The following RGS6 variants were observed in gnomAD, a reference collection of about 807,000 sequenced individuals.
RGS6 encodes regulator of G-protein signaling 6.
In RGS6, 30 loss-of-function variants were observed where a neutral mutation model predicts 78.5. That is an observed-to-expected ratio of 0.38 (90% CI 0.29 to 0.52). The LOEUF (loss-of-function observed/expected upper bound fraction) is 0.52, where lower values mean the gene tolerates loss of function less well. RGS6 is among the 20% of genes least tolerant of loss of function. RGS6 has a pLI of 0.85. For synonymous variants in RGS6, 206 were observed against 206.0 expected (o/e 1.00, Z 0.00); for missense variants, 495 against 609.7 (o/e 0.81, Z 1.98).
chr14:72,585,381 A>T, the RGS6 span, among the ~76,000 whole-genome samples: 1 of 152,186 alleles, frequency 6.6e-6, no homozygotes, highest in African/African-American at 2.4e-5. Context: ...ATGGATATTA[A>T]CATAATGAGG....
chr14:72,239,828 A>C (rs1334598817), intron 2 of RGS6, among the ~76,000 whole-genome samples: 1 of 152,172 alleles, frequency 6.6e-6, no homozygotes, highest in Non-Finnish European at 1.5e-5. Context: ...ATAATTTCTA[A>C]TATCCCTTTA....
At chr14:72,205,774 T>G (rs956796458) in intron 2 of RGS6, among the ~76,000 whole-genome samples, 2 of 152,238 alleles carry the variant, frequency 1.3e-5, no homozygotes, top group Admixed American at 6.5e-5. Flanking sequence ...AAATTATTAC[T>G]GATCAGTGTT....
intron 17 of RGS6, among the ~76,000 whole-genome samples, chr14:72,544,669 G>T (rs2097368893): frequency 6.6e-6 from 1 of 152,224 alleles, no homozygotes; most frequent in Admixed American, 6.5e-5. Context: ...TGTCCTGCCT[G>T]CCTGCCAAGG....
the RGS6 span, among the ~76,000 whole-genome samples, chr14:71,922,737 TA>T: frequency 1.3e-5 from 2 of 152,170 alleles, no homozygotes; most frequent in African/African-American, 2.4e-5. Flanking sequence ...CTTAGTCTTT[TA>T]AAAAAATTAT....
At chr14:72,216,587 C>T (rs1805700981) in intron 2 of RGS6, among the ~76,000 whole-genome samples, 1 of 152,170 alleles carries the variant, frequency 6.6e-6, no homozygotes, top group African/African-American at 2.4e-5. Context: ...AAAATACAAA[C>T]ATGTGCACAT....
the RGS6 span, among the ~76,000 whole-genome samples, chr14:72,585,631 T>C: frequency 6.6e-6 from 1 of 152,212 alleles, no homozygotes; most frequent in South Asian, 2.1e-4. Context: ...AGGAAGGCAG[T>C]GTGATCTTGG....
At chr14:72,147,648 A>G (rs537708768) in intron 2 of RGS6, among the ~76,000 whole-genome samples, 1 of 152,296 alleles carries the variant, frequency 6.6e-6, no homozygotes, top group South Asian at 2.1e-4. Flanking sequence ...TGGGGTACAG[A>G]ATTATATTGC....
intron 2 of RGS6, among the ~76,000 whole-genome samples, chr14:72,119,766 T>TGAA (rs1439684582): frequency 6.6e-6 from 1 of 152,216 alleles, no homozygotes; most frequent in Non-Finnish European, 1.5e-5. Context: ...AGCTCTGATG[T>TGAA]GAAACATGGA....
intron 2 of RGS6, among the ~76,000 whole-genome samples, chr14:72,232,835 G>A (rs1008928509): frequency 2.6e-5 from 4 of 152,204 alleles, no homozygotes. Context: ...TGCTGGGATG[G>A]GAGCTGAGGA....
rs1422866681 is a variant in RGS6, at chr14:71,995,443, G to GT, written c.84+30568_84+30569insT. On this transcript the variant is annotated intron_variant, in intron 2 of 17. Transcript: ENST00000553525. ...TGGAAGTGATTGCCTCTGCCTCACAGGGACATAAGTGGAAAGCTTCAGATC... is the reference window on the plus strand; with the variant it reads ...TGGAAGTGATTGCCTCTGCCTCACAGTGGACATAAGTGGAAAGCTTCAGATC... Among the ~76,000 whole-genome samples the GT allele has an allele frequency of 2.0e-5, 3 of 152,322 alleles. No individual in the cohort carries two copies. In the East Asian group the frequency reaches 5.8e-4, roughly 29 times the overall value.
intron 3 of RGS6, among the ~76,000 whole-genome samples, chr14:72,388,408 C>G (rs1180357164): frequency 4.6e-5 from 7 of 152,172 alleles, no homozygotes; most frequent in Non-Finnish European, 8.8e-5. Context: ...TATCTATGAC[C>G]TTCCACGTCA....
intron 2 of RGS6, among the ~76,000 whole-genome samples, chr14:72,265,713 A>G (rs2058936358): frequency 6.6e-6 from 1 of 151,798 alleles, no homozygotes; most frequent in Non-Finnish European, 1.5e-5. Flanking sequence ...TCTCTTAACC[A>G]TTTCCCTCCT....
chr14:72,491,001 G>C (rs1598287342), intron 12 of RGS6, among the ~76,000 whole-genome samples: 1 of 152,220 alleles, frequency 6.6e-6, no homozygotes, highest in Non-Finnish European at 1.5e-5. Flanking sequence ...GGTGATGCCA[G>C]TGCAGCTGGT....
chr14:72,605,708 CTCT>C, the RGS6 span, among the ~76,000 whole-genome samples: 4 of 152,178 alleles, frequency 2.6e-5, no homozygotes, highest in African/African-American at 9.6e-5. Flanking sequence ...TGTCCCTCTG[CTCT>C]TCTTAAGAGT....
intron 2 of RGS6, among the ~76,000 whole-genome samples, chr14:72,329,703 C>T (rs111534324): frequency 0.012 from 1,866 of 152,328 alleles, 23 homozygotes; most frequent in Middle Eastern, 0.017. Flanking sequence ...TGTGGAAGCA[C>T]TCTTTGCGTA....
intron 2 of RGS6, among the ~76,000 whole-genome samples, chr14:72,110,594 G>A (rs955466527): frequency 6.6e-6 from 1 of 152,172 alleles, no homozygotes. Flanking sequence ...AGCTCCCTGA[G>A]CATCAGAGTG....
intron 3 of RGS6, among the ~76,000 whole-genome samples, chr14:72,423,352 T>C (rs2153114677): frequency 1.3e-5 from 2 of 152,272 alleles, no homozygotes; most frequent in South Asian, 4.2e-4. Context: ...GCTGCTTTTT[T>C]CCCCTCAAAA....
chr14:72,543,133 G>C (rs546157704), intron 17 of RGS6, among the ~76,000 whole-genome samples: 2 of 151,874 alleles, frequency 1.3e-5, no homozygotes, highest in African/African-American at 4.8e-5. Context: ...TAAGGCCCAG[G>C]TTCTGAACTA....
intron 2 of RGS6, among the ~76,000 whole-genome samples, chr14:72,320,414 C>CA (rs2071580359): frequency 6.6e-6 from 1 of 150,918 alleles, no homozygotes; most frequent in African/African-American, 2.4e-5. Context: ...ACATCTCTAC[C>CA]AAAAAAATTA....
Sources: gnomAD v4.1 joint callset for allele counts (sites outside exome capture counted in the v4.1 genomes callset) on GRCh38, gnomAD v4.1.1 for gene constraint, MANE v1.5 for transcripts, NCBI Gene and HGNC (gene_info 2026-07-23, HGNC 2026-07-21) for gene names.